The following NELL1 variants were observed in gnomAD, a reference collection of about 807,000 sequenced individuals.
NELL1 encodes the protein neural EGFL like 1.
A neutral mutation model predicts 107.4 loss-of-function variants in NELL1; 76 were observed. The ratio of observed to expected loss-of-function variants is 0.71; its 90% CI spans 0.59 to 0.86. The LOEUF (loss-of-function observed/expected upper bound fraction) is 0.86, where lower values mean the gene tolerates loss of function less well. Ranked by LOEUF, NELL1 falls within the 40% of genes least tolerant of loss-of-function variation. The probability of loss-of-function intolerance (pLI) is 0.00; values close to 1 mark genes in which losing one functional copy is unlikely to be tolerated. For missense variants in NELL1, 1,024 were observed against 1,005.5 expected, an observed-to-expected ratio of 1.02 and a Z score of -0.25; for synonymous variants, 353 against 341.2, an observed-to-expected ratio of 1.03 and a Z score of -0.38.
chr11:20,904,984 A>G (rs1849961672), intron 5 of NELL1, among the ~76,000 whole-genome samples: 2 of 150,632 alleles, frequency 1.3e-5, no homozygotes, highest in Admixed American at 6.6e-5. Flanking sequence ...ACATGTGACC[A>G]TGCCTGGCTA....
At chr11:21,005,996 T>G (rs1052501700) in intron 12 of NELL1, among the ~76,000 whole-genome samples, 1 of 151,892 alleles carries the variant, frequency 6.6e-6, no homozygotes. Context: ...AATCACAGTT[T>G]CTTATCCATT....
intron 16 of NELL1, among the ~76,000 whole-genome samples, chr11:21,554,930 A>G (rs1856670770): frequency 6.6e-6 from 1 of 152,068 alleles, no homozygotes; most frequent in Non-Finnish European, 1.5e-5. Context: ...CAGTTTCTGG[A>G]TTACAAAGGT....
intron 13 of NELL1, among the ~76,000 whole-genome samples, chr11:21,222,747 C>T (rs962840686): frequency 2.0e-5 from 3 of 152,000 alleles, no homozygotes; most frequent in African/African-American, 7.2e-5. Context: ...TCCTTTGTTT[C>T]AAGAATTTTT....
intron 13 of NELL1, among the ~76,000 whole-genome samples, chr11:21,127,529 T>G (rs1220639329): frequency 6.6e-6 from 1 of 151,976 alleles, no homozygotes; most frequent in Non-Finnish European, 1.5e-5. Flanking sequence ...GGAAGAGGAT[T>G]GCTTGAGCCT....
intron 3 of NELL1, among the ~76,000 whole-genome samples, chr11:20,786,535 A>C (rs1262510748): frequency 6.6e-6 from 1 of 151,982 alleles, no homozygotes; most frequent in African/African-American, 2.4e-5. Flanking sequence ...GTGTGTTGGC[A>C]GTGGAGGGTA....
At chr11:20,725,355 G>A (rs942316822) in intron 2 of NELL1, among the ~76,000 whole-genome samples, 8 of 152,142 alleles carry the variant, frequency 5.3e-5, no homozygotes, top group African/African-American at 2.4e-5. Context: ...TGGCATCAGG[G>A]AAGCCCCAGA....
intron 2 of NELL1, among the ~76,000 whole-genome samples, chr11:20,690,278 T>G (rs946244276): frequency 2.6e-5 from 4 of 151,962 alleles, no homozygotes; most frequent in African/African-American, 9.7e-5. Flanking sequence ...CAGAAGCTCT[T>G]TAGTTTAATT....
intron 12 of NELL1, among the ~76,000 whole-genome samples, chr11:21,006,524 T>TA (rs1354502735): frequency 6.6e-6 from 1 of 152,154 alleles, no homozygotes; most frequent in Non-Finnish European, 1.5e-5. Context: ...TTCCTGGTGG[T>TA]ATTCAAAAAA....
intron 12 of NELL1, among the ~76,000 whole-genome samples, chr11:21,045,875 T>C (rs545965900): frequency 6.6e-6 from 1 of 152,332 alleles, no homozygotes; most frequent in East Asian, 1.9e-4. Context: ...AGTCTCTAGG[T>C]AAAGTTTTAT....
chr11:20,759,138 C>G (rs1401195574), intron 2 of NELL1, among the ~76,000 whole-genome samples: 1 of 152,238 alleles, frequency 6.6e-6, no homozygotes, highest in Non-Finnish European at 1.5e-5. Context: ...CTGTCTTCCT[C>G]TACTTTCCTC....
intron 12 of NELL1, among the ~76,000 whole-genome samples, chr11:21,046,093 G>A (rs1456332709): frequency 6.6e-6 from 1 of 152,028 alleles, no homozygotes; most frequent in Non-Finnish European, 1.5e-5. Context: ...AGTATTAATG[G>A]CATTTTAATT....
chr11:20,977,496 C>T (rs1180709144), intron 12 of NELL1, among the ~76,000 whole-genome samples: 2 of 152,224 alleles, frequency 1.3e-5, no homozygotes, highest in East Asian at 3.9e-4. Context: ...GATCTCCTGA[C>T]CTCATGATCC....
intron 15 of NELL1, among the ~76,000 whole-genome samples, chr11:21,470,843 C>T (rs1286513030): frequency 6.6e-6 from 1 of 152,070 alleles, no homozygotes; most frequent in Non-Finnish European, 1.5e-5. Context: ...CTGCCATGTC[C>T]TCTGGACAAA....
At chr11:21,254,330 C>T (rs1385846206) in intron 14 of NELL1, among the ~76,000 whole-genome samples, 1 of 151,948 alleles carries the variant, frequency 6.6e-6, no homozygotes, top group Non-Finnish European at 1.5e-5. Flanking sequence ...AGAAAAAAGC[C>T]ATTTCCTCTC....
intron 12 of NELL1, among the ~76,000 whole-genome samples, chr11:21,071,805 T>C (rs1227405549): frequency 2.6e-5 from 4 of 152,176 alleles, no homozygotes; most frequent in African/African-American, 7.2e-5. Context: ...TTTGGCTGAA[T>C]AGGTGTCTTA....
chr11:21,111,725 A>G (rs1026068037), intron 12 of NELL1, among the ~76,000 whole-genome samples: 11 of 152,190 alleles, frequency 7.2e-5, no homozygotes, highest in Middle Eastern at 3.4e-3. Context: ...TTCATGATCA[A>G]TCATGAGATT....
chr11:21,488,017 C>T (rs975445759), intron 15 of NELL1, among the ~76,000 whole-genome samples: 1 of 152,008 alleles, frequency 6.6e-6, no homozygotes, highest in African/African-American at 2.4e-5. Flanking sequence ...AACACTGGAA[C>T]ACCCAGATTC....
At chr11:20,753,682 T>G (rs1449033424) in intron 2 of NELL1, among the ~76,000 whole-genome samples, 1 of 152,174 alleles carries the variant, frequency 6.6e-6, no homozygotes. Context: ...TTAAAGTTAG[T>G]GTTGGATGTA....
intron 12 of NELL1, among the ~76,000 whole-genome samples, chr11:20,984,838 T>C (rs1335037414): frequency 2.6e-5 from 4 of 152,202 alleles, no homozygotes; most frequent in African/African-American, 9.6e-5. Flanking sequence ...CTTTGGTCGC[T>C]AAGACTAGAT....
Sources: allele counts gnomAD v4.1 joint callset (sites outside exome capture counted in the v4.1 genomes callset), GRCh38; gene constraint gnomAD v4.1.1; transcripts MANE v1.5; gene names NCBI Gene and HGNC (gene_info 2026-07-23, HGNC 2026-07-21).